The following EYA4 variants were observed in gnomAD, a reference collection of about 807,000 sequenced individuals.
EYA4 encodes protein phosphatase EYA4.
EYA4 carries 31 observed loss-of-function variants against 87.9 expected under a neutral mutation model. The observed-to-expected ratio is 0.35, with a 90% confidence interval of 0.27 to 0.48. The LOEUF (loss-of-function observed/expected upper bound fraction) is 0.48. Ranked by LOEUF, EYA4 falls within the 20% of genes least tolerant of loss-of-function variation. The probability of loss-of-function intolerance (pLI) is 0.99; values close to 1 mark genes in which losing one functional copy is unlikely to be tolerated. For synonymous variants in EYA4, 263 were observed against 270.6 expected, an observed-to-expected ratio of 0.97 and a Z score of 0.28; for missense variants, 678 against 761.4, an observed-to-expected ratio of 0.89 and a Z score of 1.29.
chr6:133,399,076 A>G (rs749253436), intron 3 of EYA4, among the ~76,000 whole-genome samples: 3 of 152,128 alleles, frequency 2.0e-5, no homozygotes, highest in Non-Finnish European at 4.4e-5. Flanking sequence ...GCGCCAGCTC[A>G]CCTCTGCTGG....
chr6:133,381,093 T>G (rs1316134315), intron 2 of EYA4, among the ~76,000 whole-genome samples: 1 of 90,362 alleles, frequency 1.1e-5, no homozygotes, highest in Non-Finnish European at 2.6e-5. Context: ...TTTTTTTTTT[T>G]GCCCCTCCAT....
intron 2 of EYA4, among the ~76,000 whole-genome samples, chr6:133,299,789 G>A (rs1779233354): frequency 6.6e-6 from 1 of 150,864 alleles, no homozygotes; most frequent in Non-Finnish European, 1.5e-5. Context: ...TCAAGCTAAT[G>A]TGATTATCCT....
Position 133,531,436 on chromosome 6 carries a change from C to T in EYA4, c.*2631C>T, listed in dbSNP as rs1392765723. 3.7e-6 allele frequency: 2 copies of T among 543,360 alleles called. No individual in the cohort carries two copies. Among genetic ancestry groups the T allele is most frequent in the African/African-American group, 1.9e-5 (1 of 52,616 alleles). 33.7% of individuals were successfully genotyped at this position (543,360 alleles called of 1,614,324 possible). ...AAAACCAACCCCTTGGCAGTTCCCA[C>T]CTCCTATTGACATATGGAATATTGT... On this transcript the variant is annotated 3_prime_UTR_variant, in exon 20 of 20. Coordinates refer to ENST00000355286, the MANE Select transcript of EYA4 (RefSeq NM_004100.5).
intron 2 of EYA4, among the ~76,000 whole-genome samples, chr6:133,295,748 G>A (rs1373224751): frequency 6.6e-6 from 1 of 152,068 alleles, no homozygotes; most frequent in Non-Finnish European, 1.5e-5. Flanking sequence ...AGACCGCAGG[G>A]TCTTTGTTTA....
rs1415255531 is a variant in EYA4 at position 133,456,543 on chromosome 6, T to C, written c.278-13T>C. 4 of 1,576,894 alleles carry C rather than the reference T, an allele frequency of 2.5e-6. No homozygotes were observed. The East Asian group carries it at 6.7e-5, about 26-fold the overall frequency. On this transcript the variant is annotated splice_polypyrimidine_tract_variant and intron_variant, in intron 5 of 19. Coordinates refer to ENST00000355286, the MANE Select transcript of EYA4 (RefSeq NM_004100.5). Reference sequence around the variant, plus strand: ...TAGAAGTAAAACTCACATGTACTTATTCTTCTACGTAGTGTCTCTTCTTGC... The same window carrying C: ...TAGAAGTAAAACTCACATGTACTTACTCTTCTACGTAGTGTCTCTTCTTGC...
In EYA4 at chr6:133,491,951, C is replaced by CAAAAAAAAAAAAAAA. The variant is rs34316449; in HGVS notation, c.1191+8842_1191+8856dup. 1.5e-3 allele frequency among the ~76,000 whole-genome samples: 124 copies of CAAAAAAAAAAAAAAA among 83,690 alleles called. 3 individuals carry two copies. Among genetic ancestry groups the CAAAAAAAAAAAAAAA allele is most frequent in the African/African-American group, 5.6e-3 (119 of 21,256 alleles). 54.9% of individuals were successfully genotyped at this position (83,690 alleles called of 152,430 possible). ...TGGGGGACAGAGTGAAACTCCGTCT[C>CAAAAAAAAAAAAAAA]AAAAAAAAAAAAAAAAAAAAGAGGA... On this transcript the variant is annotated intron_variant, in intron 13 of 19. Transcript: ENST00000355286.
intron 2 of EYA4, among the ~76,000 whole-genome samples, chr6:133,293,662 G>C (rs1353396298): frequency 6.6e-6 from 1 of 151,978 alleles, no homozygotes; most frequent in South Asian, 2.1e-4. Flanking sequence ...AACAGTTAGA[G>C]CCTGGGCGCA....
chr6:133,260,679 A>G (rs1372045848), intron 1 of EYA4, among the ~76,000 whole-genome samples: 3 of 152,214 alleles, frequency 2.0e-5, no homozygotes, highest in Non-Finnish European at 2.9e-5. Flanking sequence ...TGAGGTTTCC[A>G]TACCACAGAT....
intron 2 of EYA4, among the ~76,000 whole-genome samples, chr6:133,308,143 C>T (rs968762117): frequency 6.6e-6 from 1 of 152,110 alleles, no homozygotes; most frequent in African/African-American, 2.4e-5. Context: ...ACTTCTTTTT[C>T]TTTATAGATT....
At chr6:133,427,679 A>G (rs1204479350) in intron 3 of EYA4, among the ~76,000 whole-genome samples, 1 of 152,060 alleles carries the variant, frequency 6.6e-6, no homozygotes, top group African/African-American at 2.4e-5. Context: ...TTTTTTTAAG[A>G]GGAGGGGGAC....
chr6:133,505,163 C>CA (rs1798485645), intron 13 of EYA4, among the ~76,000 whole-genome samples: 1 of 152,170 alleles, frequency 6.6e-6, no homozygotes. Flanking sequence ...CTTTAGACAT[C>CA]ATTCCAACTT....
At chr6:133,382,353 T>C in intron 2 of EYA4, 39 bp from the exon 3 acceptor site, 1 of 1,444,484 alleles carries the variant, frequency 6.9e-7, no homozygotes, top group Non-Finnish European at 9.8e-7. Context: ...GAGGAAGTTG[T>C]ATTTTCATAT....
chr6:133,309,568 T>A (rs537509349), intron 2 of EYA4, among the ~76,000 whole-genome samples: 1 of 152,338 alleles, frequency 6.6e-6, no homozygotes, highest in Admixed American at 6.5e-5. Flanking sequence ...TCCAAAATAT[T>A]TAGGAGTGGT....
intron 1 of EYA4, among the ~76,000 whole-genome samples, chr6:133,264,660 A>G (rs1776064067): frequency 6.6e-6 from 1 of 152,174 alleles, no homozygotes; most frequent in African/African-American, 2.4e-5. Flanking sequence ...ATGACTGGCT[A>G]TGCCTGTGCC....
chr6:133,345,760 AG>A (rs1783145328), intron 2 of EYA4, among the ~76,000 whole-genome samples: 1 of 152,220 alleles, frequency 6.6e-6, no homozygotes. Flanking sequence ...AAAGGGGTAA[AG>A]TAATAAAAAT....
intron 3 of EYA4, among the ~76,000 whole-genome samples, chr6:133,402,935 G>A (rs2128519049): frequency 6.6e-6 from 1 of 152,252 alleles, no homozygotes; most frequent in South Asian, 2.1e-4. Flanking sequence ...CTCTAGGAGT[G>A]GAGTCTCAGC....
At chr6:133,270,648 G>A (rs968737568) in intron 1 of EYA4, among the ~76,000 whole-genome samples, 2 of 151,426 alleles carry the variant, frequency 1.3e-5, no homozygotes, top group African/African-American at 4.8e-5. Flanking sequence ...TTTTTTCCTT[G>A]TGGAGTGACC....
chr6:133,307,150 C>A (rs934628103), intron 2 of EYA4, among the ~76,000 whole-genome samples: 1 of 152,202 alleles, frequency 6.6e-6, no homozygotes, highest in Non-Finnish European at 1.5e-5. Context: ...TCATTAGGAG[C>A]CTCCTAGCAC....
intron 2 of EYA4, among the ~76,000 whole-genome samples, chr6:133,328,032 A>G (rs1286961787): frequency 6.6e-6 from 1 of 152,216 alleles, no homozygotes; most frequent in South Asian, 2.1e-4. Context: ...GGTCTGAATA[A>G]GTTAGAGTCT....
Sources: gnomAD v4.1 joint callset for allele counts (sites outside exome capture counted in the v4.1 genomes callset) on GRCh38, gnomAD v4.1.1 for gene constraint, MANE v1.5 for transcripts, NCBI Gene and HGNC (gene_info 2026-07-23, HGNC 2026-07-21) for gene names.